IL36A: variants seen among roughly 807,000 people sequenced by gnomAD.
The protein encoded by IL36A is interleukin-36 alpha.
IL36A carries 13 observed loss-of-function variants against 12.7 expected under a neutral mutation model. The observed-to-expected ratio is 1.02, with a 90% CI of 0.67 to 1.63. The LOEUF is 1.63. Among genes scored for constraint, IL36A ranks in the 40% most tolerant of loss-of-function variants. The pLI, the probability that IL36A is intolerant of heterozygous loss-of-function variation, is 0.00. For missense variants in IL36A, 195 were observed against 192.9 expected, an observed-to-expected ratio of 1.01 and a Z score of -0.07; for synonymous variants, 73 against 71.9, an observed-to-expected ratio of 1.01 and a Z score of -0.08.
downstream of IL36A, chr2:113,008,168 A>AT (rs2105028615): frequency 1.3e-6 from 1 of 782,332 alleles, no homozygotes; most frequent in African/African-American, 1.7e-5. Flanking sequence ...GCCTCCCAAT[A>AT]TATTCATGCA....
intron 2 of IL36A, 121 bp downstream of exon 2, chr2:113,006,208 A>G (rs1047390586): frequency 9.9e-6 from 7 of 710,300 alleles, no homozygotes; most frequent in African/African-American, 1.7e-5. Flanking sequence ...GGAGCATCTC[A>G]CAGACAATAA....
In IL36A at chr2:113,005,597, A is replaced by G; in HGVS notation, c.-275A>G. 1.8e-6 allele frequency: 1 copy of G among 559,036 alleles called. No individual in the cohort carries two copies. Among genetic ancestry groups the G allele is most frequent in the East Asian group, 3.0e-5 (1 of 33,574 alleles). The allele number at this position is 559,036 out of a possible 1,614,324, so 34.6% of individuals were successfully genotyped here. ...TTGCTTCCAGGTCTTTGGCCTTGGC[A>G]CTCTTTGTCATATTAGAGTTCCTGG... On this transcript the variant is annotated 5_prime_UTR_variant, in exon 1 of 4. Coordinates refer to ENST00000259211, the MANE Select transcript of IL36A (RefSeq NM_014440.3).
At chr2:113,009,075 G>GT (rs758308502), downstream of IL36A, among the ~76,000 whole-genome samples, 35 of 149,252 alleles carry the variant, frequency 2.3e-4, no homozygotes, top group East Asian at 2.2e-3. Flanking sequence ...GCGGTGTTTG[G>GT]TTTTTTGTCC....
chr2:113,006,707 A>G lies in IL36A; in HGVS notation c.234A>G (p.Lys78=). The change falls in exon 3 of 4, where the codon AAA becomes AAG. Residue 78 remains lysine (K), a synonymous_variant. Coordinates refer to ENST00000259211, the MANE Select transcript of IL36A (RefSeq NM_014440.3). The part of the protein sequence containing the change: ...NGLNLCLMCA[K]VGDQPTLQLK... ...TCAATCTCTGCCTGATGTGTGCTAAAGTCGGGGACCAGCCCACACTGCAGC... is the reference window on the plus strand; with the variant it reads ...TCAATCTCTGCCTGATGTGTGCTAAGGTCGGGGACCAGCCCACACTGCAGC... 6.2e-7 allele frequency: 1 copy of G among 1,614,192 alleles called. No individual in the cohort carries two copies. The highest frequency in any genetic ancestry group is 8.5e-7 in the Non-Finnish European group (1 of 1,180,036).
At chr2:113,008,447 G>C (rs1403734736), downstream of IL36A, 1 of 166,234 alleles carries the variant, frequency 6.0e-6, no homozygotes, top group Non-Finnish European at 1.3e-5. Context: ...TGCAAGCTCC[G>C]CCTCCCGGGT....
chr2:113,005,634 G>C lies in IL36A; in HGVS notation c.-238G>C, dbSNP rs1684598312. The C allele has an allele frequency of 1.7e-6, 1 of 602,480 alleles. No individual in the cohort carries two copies. Among genetic ancestry groups the C allele is most frequent in the Admixed American group, 3.0e-5 (1 of 33,886 alleles). The allele number at this position is 602,480 out of a possible 1,614,324, so 37.3% of individuals were successfully genotyped here. A position where few individuals can be genotyped will look rare whatever the true frequency, so the allele number is the denominator to read the frequency against. ...ATTAGAGTTCCTGGGTCTAGGCCTGGGCAGGATTCATAGGTGCAGCTGCTT... is the reference window on the plus strand; with the variant it reads ...ATTAGAGTTCCTGGGTCTAGGCCTGCGCAGGATTCATAGGTGCAGCTGCTT... On this transcript the variant is annotated 5_prime_UTR_variant, in exon 1 of 4. Coordinates refer to ENST00000259211, the MANE Select transcript of IL36A (RefSeq NM_014440.3).
downstream of IL36A, among the ~76,000 whole-genome samples, chr2:113,009,189 A>T (rs932592986): frequency 1.3e-5 from 2 of 151,654 alleles, no homozygotes; most frequent in African/African-American, 4.8e-5. Flanking sequence ...CATGATGTAT[A>T]TGTGGCACAT....
downstream of IL36A, among the ~76,000 whole-genome samples, chr2:113,010,094 A>C (rs553252469): frequency 2.0e-5 from 3 of 152,154 alleles, no homozygotes; most frequent in South Asian, 6.2e-4. Flanking sequence ...ATGATTCCCA[A>C]AATAGTTCAT....
Position 113,005,560 on chromosome 2 carries a change from C to T in IL36A, c.-312C>T. 2.0e-6 allele frequency: 1 copy of T among 504,904 alleles called. No individual in the cohort carries two copies. The highest frequency in any genetic ancestry group is 3.6e-6 in the Non-Finnish European group (1 of 279,432). 31.3% of individuals were successfully genotyped at this position (504,904 alleles called of 1,614,324 possible). On this transcript the variant is annotated 5_prime_UTR_variant, in exon 1 of 4. Coordinates refer to ENST00000259211, the MANE Select transcript of IL36A (RefSeq NM_014440.3). ...GGCCTATGCTGGAAAGTCTGGTGACCTCTGATTTTTTTTGCTTCCAGGTCT... is the reference window on the plus strand; with the variant it reads ...GGCCTATGCTGGAAAGTCTGGTGACTTCTGATTTTTTTTGCTTCCAGGTCT...
chr2:113,005,680 C>T lies in IL36A; in HGVS notation c.-192C>T, dbSNP rs1684599130. ...TGCTTCTGCTGGAGGTAGACTGCAT[C>T]CAACAAAGTAAGGGTGCTGGGTGAG... On this transcript the variant is annotated 5_prime_UTR_variant, in exon 1 of 4. Coordinates refer to ENST00000259211, the MANE Select transcript of IL36A (RefSeq NM_014440.3). 2 of 649,428 alleles carry T rather than the reference C, an allele frequency of 3.1e-6. No individual in the cohort carries two copies. The highest frequency in any genetic ancestry group is 2.7e-5 in the East Asian group (1 of 36,860). The allele number at this position is 649,428 out of a possible 1,614,324, so 40.2% of individuals were successfully genotyped here.
At chr2:113,010,200 C>G (rs1684708022), downstream of IL36A, among the ~76,000 whole-genome samples, 1 of 152,218 alleles carries the variant, frequency 6.6e-6, no homozygotes, top group Non-Finnish European at 1.5e-5. Context: ...CCTGAGCACA[C>G]TGATGAATTC....
intron 2 of IL36A, 74 bp from the exon 3 acceptor site, chr2:113,006,524 C>A: frequency 6.5e-7 from 1 of 1,543,650 alleles, no homozygotes; most frequent in Non-Finnish European, 8.9e-7. Flanking sequence ...TTAGCAGATT[C>A]CCTTAAAACT....
Position 113,005,739 on chromosome 2 carries a change from C to G in IL36A, c.-133C>G, listed in dbSNP as rs1344657422. 3.1e-6 allele frequency: 3 copies of G among 967,896 alleles called. No individual in the cohort carries two copies. In the African/African-American group the frequency reaches 4.8e-5, roughly 15 times the overall value. 60.0% of individuals were successfully genotyped at this position (967,896 alleles called of 1,614,324 possible). A position where few individuals can be genotyped will look rare whatever the true frequency, so the allele number is the denominator to read the frequency against. ...GTATAGATTCTGACTGGGGTCACTG[C>G]TGGGCTGGCCGCCAGTCTTTCATCT... On this transcript the variant is annotated 5_prime_UTR_variant, in exon 1 of 4. Transcript: ENST00000259211.
chr2:113,007,684 T>C, intron 3 of IL36A, 148 bp from the exon 4 acceptor site: 1 of 610,556 alleles, frequency 1.6e-6, no homozygotes, highest in Non-Finnish European at 2.9e-6. Context: ...ATTTATATGA[T>C]TTTCAATCCC....
rs934018315 is a variant in IL36A, at chr2:113,005,630, C to T, written c.-242C>T. The stretch of plus-strand genomic sequence containing the variant: ...TCATATTAGAGTTCCTGGGTCTAGG[C>T]CTGGGCAGGATTCATAGGTGCAGCT... On this transcript the variant is annotated 5_prime_UTR_variant, in exon 1 of 4. Coordinates refer to ENST00000259211, the MANE Select transcript of IL36A (RefSeq NM_014440.3). 5.0e-6 allele frequency: 3 copies of T among 598,610 alleles called. No homozygotes were observed. The highest frequency in any genetic ancestry group is 4.4e-4 in the Middle Eastern group (1 of 2,250). The allele number at this position is 598,610 out of a possible 1,614,324, so 37.1% of individuals were successfully genotyped here.
rs1276590924 is a variant in IL36A, at chr2:113,006,676, A to G, written c.203A>G (p.Asn68Ser). Residue 68 changes from asparagine to serine, a missense_variant, in exon 3 of 4, where the codon AAT becomes AGT. Asn to Ser is a conservative substitution (Grantham distance 46, BLOSUM62 1). Transcript: ENST00000259211. ...GGGAACCCCATCTACCTGGGCCTGA[A>G]TGGACTCAATCTCTGCCTGATGTGT... is the stretch of plus-strand genomic sequence containing the variant. ...DRGNPIYLGL[N>S]GLNLCLMCAK... The G allele has an allele frequency of 1.9e-6, 3 of 1,614,060 alleles. No homozygotes were observed. The highest frequency in any genetic ancestry group is 2.5e-6 in the Non-Finnish European group (3 of 1,180,018).
chr2:113,007,550 A>G lies in IL36A; in HGVS notation c.265-282A>G, dbSNP rs896327330. ...TTAAGTTTCTGTTTCTGAACAACAA[A>G]TAATGGCCCAATCAATGCTTTGTAT... is the stretch of plus-strand genomic sequence containing the variant. On this transcript the variant is annotated intron_variant, in intron 3 of 3. Coordinates refer to ENST00000259211, the MANE Select transcript of IL36A (RefSeq NM_014440.3). Among the ~76,000 whole-genome samples the G allele has an allele frequency of 5.9e-5, 9 of 152,254 alleles. 1 individual carries two copies. Among genetic ancestry groups the G allele is most frequent in the Admixed American group, 5.2e-4 (8 of 15,284 alleles).
rs1684598072 is a variant in IL36A at position 113,005,623 on chromosome 2, G to C, written c.-249G>C. On this transcript the variant is annotated 5_prime_UTR_variant, in exon 1 of 4. Transcript: ENST00000259211. ...CTCTTTGTCATATTAGAGTTCCTGG[G>C]TCTAGGCCTGGGCAGGATTCATAGG... is the stretch of plus-strand genomic sequence containing the variant. 5 of 593,284 alleles carry C rather than the reference G, an allele frequency of 8.4e-6. No homozygotes were observed. Among genetic ancestry groups the C allele is most frequent in the Non-Finnish European group, 1.5e-5 (5 of 331,632 alleles). 36.8% of individuals were successfully genotyped at this position (593,284 alleles called of 1,614,324 possible).
chr2:113,008,015 A>G lies in IL36A; in HGVS notation c.448A>G (p.Thr150Ala). 2 of 1,614,170 alleles carry G rather than the reference A, an allele frequency of 1.2e-6. No individual in the cohort carries two copies. Among genetic ancestry groups the G allele is most frequent in the Non-Finnish European group, 1.7e-6 (2 of 1,180,034 alleles). Residue 150 changes from threonine to alanine, a missense_variant, in exon 4 of 4, where the codon ACT (threonine) becomes GCT (alanine). Physicochemically the swap from Thr to Ala is moderately conservative, Grantham distance 58. Coordinates refer to ENST00000259211, the MANE Select transcript of IL36A (RefSeq NM_014440.3). The part of the protein sequence containing the change: ...LTQELGKANT[T>A]DFGLTMLF The stretch of plus-strand genomic sequence containing the variant: ...CCAAGAACTGGGGAAAGCCAACACT[A>G]CTGACTTTGGGTTAACTATGCTGTT...
Sources: allele counts gnomAD v4.1 joint callset (sites outside exome capture counted in the v4.1 genomes callset), GRCh38; gene constraint gnomAD v4.1.1; transcripts MANE v1.5; gene names NCBI Gene and HGNC (gene_info 2026-07-23, HGNC 2026-07-21).